Variants in AFM observed in about 807,000 individuals in gnomAD.
AFM encodes the protein afamin.
Under a neutral mutation model 68.7 loss-of-function variants are expected in AFM, and 82 were observed. The observed-to-expected ratio is 1.19, with a 90% CI of 1.00 to 1.43. The LOEUF is 1.43. AFM is among the 40% of genes most tolerant of loss of function. AFM has a pLI of 0.00. For missense variants in AFM, 772 were observed against 701.8 expected (o/e 1.10, Z -1.13); for synonymous variants, 250 against 234.2 (o/e 1.07, Z -0.61).
chr4:73,489,984 A>C (rs1721025831), intron 7 of AFM, among the ~76,000 whole-genome samples: 1 of 152,138 alleles, frequency 6.6e-6, no homozygotes, highest in African/African-American at 2.4e-5. Context: ...CCGGAACTTA[A>C]AGTGAAAAAA....
At chr4:73,500,674 A>G (rs1176701582) in intron 12 of AFM, among the ~76,000 whole-genome samples, 1 of 152,202 alleles carries the variant, frequency 6.6e-6, no homozygotes, top group African/African-American at 2.4e-5. Context: ...AGTCTGCCTA[A>G]TGTGTAGTGG....
At chr4:73,494,839 A>G (rs1195931183) in intron 8 of AFM, among the ~76,000 whole-genome samples, 2 of 152,208 alleles carry the variant, frequency 1.3e-5, no homozygotes, top group Non-Finnish European at 2.9e-5. Flanking sequence ...ATAGTTGGCA[A>G]GTGACAGGAT....
rs1475685466 is a variant in AFM at position 73,495,382 on chromosome 4, CT to C, written c.1142del (p.Leu381ArgfsTer47). 1 of 1,613,338 alleles carries C rather than the reference CT, an allele frequency of 6.2e-7. No individual in the cohort carries two copies. The highest frequency in any genetic ancestry group is 8.5e-7 in the Non-Finnish European group (1 of 1,179,722). ...AATTGTTCAAATATACAAAGATCTCCTGAGAAATTGCTGCAACACAGAAAAC... is the reference window on the plus strand; with the variant it reads ...AATTGTTCAAATATACAAAGATCTCCGAGAAATTGCTGCAACACAGAAAAC... ...LRIVQIYKDL[L>X]RNCCNTENPP... On this transcript the variant is annotated frameshift_variant, in exon 9 of 15. Coordinates refer to ENST00000226355, the MANE Select transcript of AFM (RefSeq NM_001133.2). LOFTEE classifies it high-confidence loss of function.
At chr4:73,486,886 C>A in intron 4 of AFM, 81 bp from the exon 5 acceptor site, 2 of 1,405,018 alleles carry the variant, frequency 1.4e-6, no homozygotes, top group Non-Finnish European at 1.9e-6. Context: ...CCTTCCCTTC[C>A]CTTCCCTTCC....
intron 5 of AFM, 108 bp downstream of exon 5, chr4:73,487,207 C>T (rs1482306959): frequency 1.7e-6 from 2 of 1,168,128 alleles, no homozygotes; most frequent in Non-Finnish European, 2.4e-6. Flanking sequence ...ATATGATGTT[C>T]TCTTGTCACA....
At chr4:73,489,432 A>G (rs994848762) in intron 7 of AFM, among the ~76,000 whole-genome samples, 1 of 152,192 alleles carries the variant, frequency 6.6e-6, no homozygotes, top group Non-Finnish European at 1.5e-5. Context: ...GTATACATGC[A>G]CACACATTGT....
rs1254871020 is a variant in AFM at position 73,486,927 on chromosome 4, CCCTCACCCGTCTTCTCTCTTTCAT to C, written c.483-39_483-16del. ...CTACATTCATTGCTTCCTGTTTCTT[CCCTCACCCGTCTTCTCTCTTTCAT>C]TTTTATTTTTTATAGCTTTTTATAT... On this transcript the variant is annotated splice_polypyrimidine_tract_variant and intron_variant, in intron 4 of 14. Transcript: ENST00000226355. 1 of 1,590,370 alleles carries C rather than the reference CCCTCACCCGTCTTCTCTCTTTCAT, an allele frequency of 6.3e-7. No individual in the cohort carries two copies. Among genetic ancestry groups the C allele is most frequent in the South Asian group, 1.1e-5 (1 of 88,428 alleles).
rs78055812 is a variant in AFM, at chr4:73,495,446, T to G, written c.1191+14T>G. On this transcript the variant is annotated intron_variant, in intron 9 of 14. Transcript: ENST00000226355. ...TACCGTTACGCGGTAGGTTCCATTG[T>G]TGTAGGTTCAGAAAATCAAAAAAGA... 1.3e-6 allele frequency: 2 copies of G among 1,596,508 alleles called. No individual in the cohort carries two copies. The highest frequency in any genetic ancestry group is 1.7e-6 in the Non-Finnish European group (2 of 1,175,834).
At chr4:73,485,578 A>G (rs1469959059) in intron 3 of AFM, among the ~76,000 whole-genome samples, 2 of 133,054 alleles carry the variant, frequency 1.5e-5, no homozygotes, top group African/African-American at 5.3e-5. Context: ...AAGGAGAAAG[A>G]GAAGGAGAAG....
chr4:73,481,825 C>A lies in AFM; in HGVS notation c.50C>A (p.Thr17Asn). 1 of 1,607,860 alleles carries A rather than the reference C, an allele frequency of 6.2e-7. No individual in the cohort carries two copies. The highest frequency in any genetic ancestry group is 8.5e-7 in the Non-Finnish European group (1 of 1,177,124). The part of the protein sequence containing the change: ...TGFIFFLFFL[T>N]ESLTLPTQPR... ...TTTATTTTTTTCTTGTTTTTTTTGA[C>A]TGAATCCCTAACCCTGCCCACACAA... Residue 17 changes from threonine to asparagine, a missense_variant, in exon 1 of 15, where the codon ACT becomes AAT. Thr to Asn is a moderately conservative substitution (Grantham distance 65). Coordinates refer to ENST00000226355, the MANE Select transcript of AFM (RefSeq NM_001133.2).
At chr4:73,499,038 C>G (rs1477558637) in intron 10 of AFM, 76 bp from the exon 11 acceptor site, 15 of 1,516,650 alleles carry the variant, frequency 9.9e-6, no homozygotes, top group East Asian at 2.3e-5. Flanking sequence ...CTTGAAGGGT[C>G]TGGGCTTCAG....
intron 3 of AFM, among the ~76,000 whole-genome samples, chr4:73,484,599 A>G (rs1216519581): frequency 1.3e-5 from 2 of 150,306 alleles, no homozygotes; most frequent in Non-Finnish European, 3.0e-5. Context: ...TGCAGTGGCA[A>G]TCTTGGCTCA....
chr4:73,502,100 AG>A (rs1302697988), intron 13 of AFM, among the ~76,000 whole-genome samples, 181 bp downstream of exon 13: 2 of 152,196 alleles, frequency 1.3e-5, no homozygotes, highest in Non-Finnish European at 2.9e-5. Flanking sequence ...GTGTCTCCTT[AG>A]TACAGAAAAA....
rs888968543 is a variant in AFM at position 73,499,104 on chromosome 4, G to A, written c.1290-10G>A. On this transcript the variant is annotated splice_polypyrimidine_tract_variant and intron_variant, in intron 10 of 14. Transcript: ENST00000226355. The stretch of plus-strand genomic sequence containing the variant: ...TTCATTCAGAACCAAACAGACAAAT[G>A]TTCTTTCAGTTACCTCATCAGGCTC... The A allele has an allele frequency of 6.2e-7, 1 of 1,607,992 alleles. No homozygotes were observed. The highest frequency in any genetic ancestry group is 1.1e-5 in the South Asian group (1 of 90,118).
At position 73,501,797 on chromosome 4, in the gene AFM, A is replaced by C; in HGVS notation, c.1657A>C (p.Asn553His). ...ATCTTTTGGCCACAGGTTTCTTGTCAACTTAGTGAAGCTGAAGCATGAACT... is the reference window on the plus strand; with the variant it reads ...ATCTTTTGGCCACAGGTTTCTTGTCCACTTAGTGAAGCTGAAGCATGAACT... ...LQRKTDRFLV[N>H]LVKLKHELTD... Residue 553 changes from asparagine (N) to histidine (H), a missense_variant, in exon 13 of 15, where the codon AAC (asparagine) becomes CAC (histidine). Asn to His is a moderately conservative substitution (Grantham distance 68). Coordinates refer to ENST00000226355, the MANE Select transcript of AFM (RefSeq NM_001133.2). 1 of 1,612,132 alleles carries C rather than the reference A, an allele frequency of 6.2e-7. No homozygotes were observed. Among genetic ancestry groups the C allele is most frequent in the South Asian group, 1.1e-5 (1 of 90,878 alleles).
chr4:73,492,205 AT>A (rs200237418), intron 8 of AFM, 119 bp downstream of exon 8: 260 of 879,056 alleles, frequency 3.0e-4, no homozygotes, highest in Non-Finnish European at 3.5e-4. Context: ...GTATCATATA[AT>A]TTTTTTTTAA....
intron 7 of AFM, among the ~76,000 whole-genome samples, chr4:73,490,414 TTTTG>T (rs1017949311): frequency 2.2e-5 from 2 of 90,614 alleles, no homozygotes; most frequent in Non-Finnish European, 3.1e-5. Flanking sequence ...TGATGTAGGA[TTTTG>T]TTTGTTTGTT....
intron 3 of AFM, among the ~76,000 whole-genome samples, chr4:73,484,815 G>T (rs1246472292): frequency 1.3e-5 from 2 of 152,078 alleles, no homozygotes; most frequent in Non-Finnish European, 2.9e-5. Flanking sequence ...GGGATTGCAG[G>T]CGTGAGCCAC....
At chr4:73,500,372 A>G in intron 12 of AFM, 145 bp downstream of exon 12, 1 of 724,156 alleles carries the variant, frequency 1.4e-6, no homozygotes, top group South Asian at 2.0e-5. Context: ...CTATATGGAA[A>G]AATACAAGTG....
Sources: allele counts gnomAD v4.1 joint callset (sites outside exome capture counted in the v4.1 genomes callset), GRCh38; gene constraint gnomAD v4.1.1; transcripts MANE v1.5; gene names NCBI Gene and HGNC (gene_info 2026-07-23, HGNC 2026-07-21).